Variants in FTO observed in about 807,000 individuals in gnomAD.
The protein encoded by FTO is alpha-ketoglutarate-dependent dioxygenase FTO.
Under a neutral mutation model 63.9 loss-of-function variants are expected in FTO, and 47 were observed. The ratio of observed to expected loss-of-function variants is 0.74; its 90% confidence interval spans 0.58 to 0.94. The LOEUF (loss-of-function observed/expected upper bound fraction) is 0.94. FTO is among the 40% of genes least tolerant of loss of function. FTO has a pLI of 0.00. For missense variants in FTO, 562 were observed against 618.1 expected (o/e 0.91, Z 0.96); for synonymous variants, 207 against 224.4 (o/e 0.92, Z 0.69).
intron 1 of FTO, among the ~76,000 whole-genome samples, chr16:53,762,936 T>C (rs2077104054): frequency 6.6e-6 from 1 of 151,980 alleles, no homozygotes; most frequent in Non-Finnish European, 1.5e-5. Context: ...CATTTTATTA[T>C]CTGTAATAAA....
At chr16:53,857,507 GAGGGCTGACCTGGAGCCTGAGTCCACA>G in intron 4 of FTO, among the ~76,000 whole-genome samples, 1 of 151,588 alleles carries the variant, frequency 6.6e-6, no homozygotes, top group East Asian at 1.9e-4. Flanking sequence ...CTGGGGCTTC[GAGGGCTGACCTGGAGCCTGAGTCCACA>G]AGGGCATACC....
At chr16:53,881,367 T>C (rs1344072595) in intron 6 of FTO, among the ~76,000 whole-genome samples, 11 of 152,138 alleles carry the variant, frequency 7.2e-5, no homozygotes. Context: ...GACACTGTCT[T>C]CATCTTCCAA....
rs2081077253 is a variant in FTO, at chr16:53,888,887, G to A, written c.1175G>A (p.Cys392Tyr). The part of the protein sequence containing the change: ...FWFQGNRYRK[C>Y]TDWWCQPMAQ... ...TTTCAAGGCAATCGATACAGAAAGT[G>A]CACTGACTGGTGGTGTCAACCCATG... Residue 392 changes from cysteine (C) to tyrosine (Y), a missense_variant, in exon 7 of 9, where the codon TGC becomes TAC. By Grantham distance (194) the Cys-to-Tyr change is radical (BLOSUM62 -2). Transcript: ENST00000471389. 1 of 1,614,024 alleles carries A rather than the reference G, an allele frequency of 6.2e-7. No homozygotes were observed. The highest frequency in any genetic ancestry group is 8.5e-7 in the Non-Finnish European group (1 of 1,179,888).
chr16:53,855,513 C>G (rs2079960141), intron 4 of FTO, among the ~76,000 whole-genome samples: 1 of 151,604 alleles, frequency 6.6e-6, no homozygotes, highest in African/African-American at 2.4e-5. Context: ...ATTTGTTGAA[C>G]TAATAAGTGA....
chr16:53,909,532 C>CTTTTTTTT (rs58121446), intron 7 of FTO, among the ~76,000 whole-genome samples: 10 of 71,184 alleles, frequency 1.4e-4, no homozygotes, highest in African/African-American at 6.9e-4. Flanking sequence ...AGAGCCCCGC[C>CTTTTTTTT]TTTTTTTTTT....
intron 8 of FTO, chr16:54,070,941 A>G (rs1393125844): frequency 6.6e-6 from 1 of 152,250 alleles, no homozygotes; most frequent in African/African-American, 2.4e-5. Flanking sequence ...CAAGCTCCAC[A>G]CTTGCTCTCA....
chr16:53,880,422 T>G (rs2080790632), intron 6 of FTO, among the ~76,000 whole-genome samples: 1 of 152,190 alleles, frequency 6.6e-6, no homozygotes, highest in Non-Finnish European at 1.5e-5. Flanking sequence ...GACAGGTTAT[T>G]ACGTATATCA....
intron 4 of FTO, among the ~76,000 whole-genome samples, chr16:53,860,352 T>C (rs2080134706): frequency 6.6e-6 from 1 of 152,210 alleles, no homozygotes; most frequent in Admixed American, 6.5e-5. Context: ...AGGTACCAAG[T>C]TTTGTTTATG....
chr16:54,091,100 G>T (rs2086373442), intron 8 of FTO, among the ~76,000 whole-genome samples: 1 of 152,220 alleles, frequency 6.6e-6, no homozygotes, highest in African/African-American at 2.4e-5. Context: ...CAGGTTGAAT[G>T]CAGGAGTGAG....
chr16:54,079,657 C>T (rs538565532), intron 8 of FTO, among the ~76,000 whole-genome samples: 4 of 152,156 alleles, frequency 2.6e-5, no homozygotes, highest in Admixed American at 6.5e-5. Flanking sequence ...CCCAATAGAC[C>T]GAATAGGACC....
chr16:53,712,192 T>C (rs1489860501), intron 1 of FTO, among the ~76,000 whole-genome samples: 10 of 152,230 alleles, frequency 6.6e-5, no homozygotes, highest in African/African-American at 2.4e-4. Context: ...TTTGGCATTT[T>C]ATTGAGGTCC....
intron 8 of FTO, among the ~76,000 whole-genome samples, chr16:54,108,107 T>C (rs1370481216): frequency 1.3e-5 from 2 of 152,190 alleles, no homozygotes; most frequent in African/African-American, 4.8e-5. Flanking sequence ...ATTAGAATCC[T>C]GTTGGTGGAA....
At chr16:53,806,270 A>G (rs139858155) in intron 1 of FTO, among the ~76,000 whole-genome samples, 88 of 152,340 alleles carry the variant, frequency 5.8e-4, no homozygotes, top group African/African-American at 2.0e-3. Context: ...ACTGAATTTC[A>G]TGTGAGGAAT....
intron 5 of FTO, among the ~76,000 whole-genome samples, chr16:53,878,988 T>C (rs2080747082): frequency 6.6e-6 from 1 of 152,218 alleles, no homozygotes; most frequent in African/African-American, 2.4e-5. Flanking sequence ...GTTCTTTGCC[T>C]TGTGATTATA....
chr16:53,817,185 T>TTGAA (rs575969069), intron 2 of FTO, among the ~76,000 whole-genome samples: 87 of 152,248 alleles, frequency 5.7e-4, no homozygotes, highest in African/African-American at 1.8e-3. Flanking sequence ...AAATGAAGTA[T>TTGAA]TGAATGAATG....
At chr16:53,904,810 C>T (rs901263261) in intron 7 of FTO, among the ~76,000 whole-genome samples, 3 of 152,082 alleles carry the variant, frequency 2.0e-5, no homozygotes, top group African/African-American at 7.2e-5. Context: ...CTGCTCGCCT[C>T]GTTCTTCCTC....
At chr16:53,930,377 C>A (rs2082253057) in intron 7 of FTO, among the ~76,000 whole-genome samples, 1 of 151,578 alleles carries the variant, frequency 6.6e-6, no homozygotes, top group Admixed American at 6.6e-5. Context: ...GCACCTGCCA[C>A]CACGCCCGGC....
At chr16:53,939,742 T>C (rs2082482842) in intron 8 of FTO, among the ~76,000 whole-genome samples, 1 of 152,248 alleles carries the variant, frequency 6.6e-6, no homozygotes, top group Admixed American at 6.5e-5. Flanking sequence ...CTGGCTTCTT[T>C]CATTTGGCAT....
intron 7 of FTO, among the ~76,000 whole-genome samples, chr16:53,914,910 C>T (rs990514782): frequency 6.6e-6 from 1 of 152,154 alleles, no homozygotes; most frequent in African/African-American, 2.4e-5. Flanking sequence ...ATGCTTAACC[C>T]TTCTGCATGG....
Sources: allele counts gnomAD v4.1 joint callset (sites outside exome capture counted in the v4.1 genomes callset), GRCh38; gene constraint gnomAD v4.1.1; transcripts MANE v1.5; gene names NCBI Gene and HGNC (gene_info 2026-07-23, HGNC 2026-07-21).